Variants in ELAPOR2 observed in about 807,000 individuals in gnomAD.
ELAPOR2 encodes the protein endosome/lysosome-associated apoptosis and autophagy regulator family member 2.
ELAPOR2 carries 89 observed loss-of-function variants against 120.7 expected under a neutral mutation model. The observed-to-expected ratio is 0.74, with a 90% confidence interval of 0.62 to 0.88. The LOEUF is 0.88. Among genes scored for constraint, ELAPOR2 ranks in the 40% least tolerant of loss-of-function variants. The pLI is 0.00. For missense variants in ELAPOR2, 1,134 were observed against 1,251.6 expected, an observed-to-expected ratio of 0.91 and a Z score of 1.42; for synonymous variants, 444 against 444.9, an observed-to-expected ratio of 1.00 and a Z score of 0.03.
At chr7:86,923,407 A>G (rs1361498963) in intron 10 of ELAPOR2, among the ~76,000 whole-genome samples, 1 of 152,022 alleles carries the variant, frequency 6.6e-6, no homozygotes, top group African/African-American at 2.4e-5. Flanking sequence ...ATATAAAACT[A>G]TTATGTATCA....
intron 1 of ELAPOR2, among the ~76,000 whole-genome samples, chr7:86,973,159 A>T (rs1386168684): frequency 6.6e-6 from 1 of 152,148 alleles, no homozygotes; most frequent in Non-Finnish European, 1.5e-5. Context: ...TAAATGGAAG[A>T]TCTCATTATG....
chr7:87,032,720 G>A (rs558503834), intron 1 of ELAPOR2, among the ~76,000 whole-genome samples: 73 of 152,162 alleles, frequency 4.8e-4, no homozygotes, highest in Non-Finnish European at 8.5e-4. Flanking sequence ...TCTCCTAATC[G>A]AGAATCTAAT....
At chr7:86,936,721 T>C (rs1790576161) in intron 8 of ELAPOR2, among the ~76,000 whole-genome samples, 1 of 152,144 alleles carries the variant, frequency 6.6e-6, no homozygotes, top group African/African-American at 2.4e-5. Flanking sequence ...CATATGTGCG[T>C]ATTCTGCATA....
Position 86,990,045 on chromosome 7 carries a change from T to C in ELAPOR2, c.190-25021A>G, listed in dbSNP as rs190819549. On this transcript the variant is annotated intron_variant, in intron 1 of 21. Coordinates refer to ENST00000450689, the MANE Select transcript of ELAPOR2 (RefSeq NM_001142749.3). ...TCATGAGGGTTCTGCTCTTATTTTT[T>C]TTTTATTTTTATTTTTTTTGAGACA... Among the ~76,000 whole-genome samples the C allele has an allele frequency of 9.2e-5, 14 of 151,912 alleles. 1 individual carries two copies. In the East Asian group the frequency reaches 2.7e-3, roughly 29 times the overall value.
At chr7:86,887,434 C>T (rs774550368) in intron 21 of ELAPOR2, among the ~76,000 whole-genome samples, 1 of 152,032 alleles carries the variant, frequency 6.6e-6, no homozygotes, top group Non-Finnish European at 1.5e-5. Context: ...TACCTTTGAC[C>T]ACCTCTTTGG....
chr7:86,978,685 A>G (rs751995610), intron 1 of ELAPOR2, among the ~76,000 whole-genome samples: 1 of 152,216 alleles, frequency 6.6e-6, no homozygotes, highest in Non-Finnish European at 1.5e-5. Context: ...GTGCCTTAGG[A>G]AGGGCACTCA....
intron 1 of ELAPOR2, among the ~76,000 whole-genome samples, chr7:87,037,941 T>C (rs1794641546): frequency 1.3e-5 from 2 of 152,216 alleles, no homozygotes; most frequent in African/African-American, 4.8e-5. Flanking sequence ...CTCTTCTCTG[T>C]GCTTCTATAC....
intron 1 of ELAPOR2, among the ~76,000 whole-genome samples, chr7:86,966,601 TACA>T (rs1335490476): frequency 2.6e-5 from 4 of 152,208 alleles, no homozygotes; most frequent in South Asian, 2.1e-4. Flanking sequence ...AGGTGTTTGT[TACA>T]ACAACACTTC....
intron 2 of ELAPOR2, among the ~76,000 whole-genome samples, chr7:86,961,859 A>G (rs542257912): frequency 2.0e-5 from 3 of 152,330 alleles, no homozygotes; most frequent in African/African-American, 4.8e-5. Flanking sequence ...AGAAGTGCCA[A>G]TGTTCCCTGT....
intron 1 of ELAPOR2, among the ~76,000 whole-genome samples, chr7:87,016,779 G>T (rs796670354): frequency 2.0e-5 from 3 of 151,728 alleles, no homozygotes; most frequent in African/African-American, 7.2e-5. Context: ...CCATGGAAAA[G>T]GAAAAGGTAA....
intron 1 of ELAPOR2, among the ~76,000 whole-genome samples, chr7:87,058,894 T>C (rs1264196763): frequency 6.7e-6 from 1 of 148,718 alleles, no homozygotes; most frequent in Non-Finnish European, 1.5e-5. Context: ...GACAGGGGAG[T>C]GGAGACAGGG....
At chr7:86,897,422 A>G in intron 19 of ELAPOR2, 84 bp downstream of exon 19, 1 of 1,475,206 alleles carries the variant, frequency 6.8e-7, no homozygotes, top group Non-Finnish European at 9.1e-7. Flanking sequence ...CTTTTGCCAT[A>G]CTTCTGGACC....
chr7:87,028,395 G>C (rs1191738552), intron 1 of ELAPOR2, among the ~76,000 whole-genome samples: 2 of 151,604 alleles, frequency 1.3e-5, no homozygotes, highest in Non-Finnish European at 2.9e-5. Flanking sequence ...TTGACCTCTG[G>C]GACACCATCG....
intron 1 of ELAPOR2, among the ~76,000 whole-genome samples, chr7:86,985,437 C>T (rs985104271): frequency 1.3e-5 from 2 of 152,112 alleles, no homozygotes; most frequent in Admixed American, 6.5e-5. Flanking sequence ...TGTAAAAATC[C>T]TCAATAAAAT....
intron 10 of ELAPOR2, among the ~76,000 whole-genome samples, chr7:86,920,519 T>C (rs1360884588): frequency 6.6e-6 from 1 of 152,082 alleles, no homozygotes; most frequent in African/African-American, 2.4e-5. Flanking sequence ...CAACTCCTAG[T>C]GTTCAGAAAG....
intron 8 of ELAPOR2, 110 bp from the exon 9 acceptor site, chr7:86,927,026 C>A: frequency 1.0e-6 from 1 of 957,038 alleles, no homozygotes. Context: ...AATAGAAGGG[C>A]CAGCTGACAG....
intron 1 of ELAPOR2, among the ~76,000 whole-genome samples, chr7:87,008,873 T>C (rs1330479542): frequency 6.6e-6 from 1 of 152,222 alleles, no homozygotes; most frequent in Non-Finnish European, 1.5e-5. Context: ...TTGCAATTTT[T>C]CTTTGAGCTT....
intron 1 of ELAPOR2, among the ~76,000 whole-genome samples, chr7:86,983,260 T>C (rs1478781622): frequency 6.6e-6 from 1 of 152,154 alleles, no homozygotes; most frequent in African/African-American, 2.4e-5. Context: ...TGGAAAACAC[T>C]CTTCAGGATA....
Position 86,956,205 on chromosome 7 carries a change from G to A in ELAPOR2, c.311-8283C>T, listed in dbSNP as rs550081289. Among the ~76,000 whole-genome samples the A allele has an allele frequency of 1.6e-4, 25 of 152,130 alleles. No individual in the cohort carries two copies. In the South Asian group the frequency reaches 3.5e-3, roughly 21 times the overall value. On this transcript the variant is annotated intron_variant, in intron 2 of 21. Transcript: ENST00000450689. ...TTTTAATTTTTCACTAAGAGTTGGCGGTGAAGTTGTAGGACACATGGATAT... is the reference window on the plus strand; with the variant it reads ...TTTTAATTTTTCACTAAGAGTTGGCAGTGAAGTTGTAGGACACATGGATAT...
Sources: gnomAD v4.1 joint callset for allele counts (sites outside exome capture counted in the v4.1 genomes callset) on GRCh38, gnomAD v4.1.1 for gene constraint, MANE v1.5 for transcripts, NCBI Gene and HGNC (gene_info 2026-07-23, HGNC 2026-07-21) for gene names.